NAALADL2: variants seen among roughly 807,000 people sequenced by gnomAD.
The protein encoded by NAALADL2 is N-acetylated alpha-linked acidic dipeptidase like 2.
NAALADL2 carries 76 observed loss-of-function variants against 87.2 expected under a neutral mutation model. The observed-to-expected ratio is 0.87, with a 90% CI of 0.72 to 1.05. The LOEUF (loss-of-function observed/expected upper bound fraction) is 1.05, where lower values mean the gene tolerates loss of function less well. Ranked by LOEUF, NAALADL2 falls within the 50% of genes least tolerant of loss-of-function variation. The pLI is 0.00. For synonymous variants in NAALADL2, 354 were observed against 331.0 expected, an observed-to-expected ratio of 1.07 and a Z score of -0.75; for missense variants, 1,089 against 945.8, an observed-to-expected ratio of 1.15 and a Z score of -1.99.
chr3:175,087,666 G>A (rs572598863), intron 1 of NAALADL2, among the ~76,000 whole-genome samples: 151 of 151,080 alleles, frequency 1.0e-3, no homozygotes, highest in African/African-American at 3.6e-3. Context: ...AATGGATTAA[G>A]GGCGGTGCAA....
intron 5 of NAALADL2, among the ~76,000 whole-genome samples, chr3:175,339,579 C>T (rs887359220): frequency 2.6e-5 from 4 of 152,110 alleles, no homozygotes; most frequent in Admixed American, 6.6e-5. Context: ...ACATACTAGT[C>T]CTGAGCAAAA....
intron 2 of NAALADL2, among the ~76,000 whole-genome samples, chr3:174,604,861 C>G (rs1718836120): frequency 6.6e-6 from 1 of 151,798 alleles, no homozygotes; most frequent in African/African-American, 2.4e-5. Flanking sequence ...CTCCATCTCC[C>G]AGGTTCAAGT....
chr3:174,477,254 A>G (rs929448229), intron 1 of NAALADL2, among the ~76,000 whole-genome samples: 3 of 152,274 alleles, frequency 2.0e-5, no homozygotes, highest in Non-Finnish European at 4.4e-5. Context: ...ATCATTTGCT[A>G]TAGAGCTAGG....
intron 8 of NAALADL2, among the ~76,000 whole-genome samples, chr3:175,467,839 T>A (rs962675080): frequency 2.0e-5 from 3 of 152,122 alleles, no homozygotes; most frequent in Admixed American, 2.0e-4. Flanking sequence ...TCTCAAACTC[T>A]TCTGACAGAC....
chr3:174,514,997 T>A (rs75967914), intron 1 of NAALADL2, among the ~76,000 whole-genome samples: 15,645 of 152,130 alleles, frequency 0.1, 1,474 homozygotes, highest in East Asian at 0.42. Flanking sequence ...TTATAAAGAA[T>A]GTTTACAAAT....
In NAALADL2 at chr3:174,797,878, T is replaced by C. The variant is rs77428950; in HGVS notation, c.-9+60132T>C. The stretch of plus-strand genomic sequence containing the variant: ...ACAAATGTTGTAAATTTTGAAATAG[T>C]CTATTTTTTGGTGACTTGTACTTTT... On this transcript the variant is annotated intron_variant, in intron 3 of 3. Transcript: ENST00000434257. Among the ~76,000 whole-genome samples, 396 of 152,342 alleles carry C rather than the reference T, an allele frequency of 2.6e-3. 1 individual carries two copies. The highest frequency in any genetic ancestry group is 9.1e-3 in the African/African-American group (380 of 41,588).
At chr3:175,223,426 C>G (rs1310146314) in intron 2 of NAALADL2, among the ~76,000 whole-genome samples, 1 of 151,726 alleles carries the variant, frequency 6.6e-6, no homozygotes, top group Non-Finnish European at 1.5e-5. Flanking sequence ...GCATAGTATC[C>G]TCCAGGTTCA....
chr3:175,717,241 A>T (rs572688469), intron 11 of NAALADL2, among the ~76,000 whole-genome samples: 2 of 152,244 alleles, frequency 1.3e-5, no homozygotes, highest in Admixed American at 1.3e-4. Context: ...CAGCCACATT[A>T]TCCTTTTGAG....
intron 9 of NAALADL2, among the ~76,000 whole-genome samples, chr3:175,540,071 G>A (rs549580694): frequency 3.3e-5 from 5 of 152,132 alleles, no homozygotes; most frequent in African/African-American, 7.2e-5. Context: ...GAAAATATAC[G>A]TGTTCCCGTA....
chr3:174,991,402 C>T (rs9873168), intron 1 of NAALADL2, among the ~76,000 whole-genome samples: 51,833 of 151,732 alleles, frequency 0.34, 12,916 homozygotes, highest in African/African-American at 0.7. Context: ...TGATAGAAAT[C>T]TCTGTCATGT....
At chr3:174,481,367 A>C (rs913790302) in intron 1 of NAALADL2, among the ~76,000 whole-genome samples, 1 of 152,236 alleles carries the variant, frequency 6.6e-6, no homozygotes, top group South Asian at 2.1e-4. Flanking sequence ...TCCTAAGCCA[A>C]CTTGGAGGTT....
At chr3:174,552,451 G>T (rs547490255) in intron 2 of NAALADL2, among the ~76,000 whole-genome samples, 11 of 152,164 alleles carry the variant, frequency 7.2e-5, no homozygotes, top group Admixed American at 5.9e-4. Flanking sequence ...TTTTTAGTTA[G>T]ATTGACAAAT....
intron 1 of NAALADL2, among the ~76,000 whole-genome samples, chr3:174,546,348 G>T (rs549923850): frequency 6.6e-5 from 10 of 152,236 alleles, no homozygotes; most frequent in Admixed American, 2.6e-4. Context: ...TCTAGGACAT[G>T]TACCTCTGCT....
intron 5 of NAALADL2, among the ~76,000 whole-genome samples, chr3:175,435,794 A>C (rs1018987852): frequency 1.3e-5 from 2 of 151,854 alleles, no homozygotes; most frequent in Admixed American, 6.6e-5. Flanking sequence ...CCTATGGATA[A>C]GCTAATTGGA....
chr3:175,622,702 G>T (rs958009999), intron 10 of NAALADL2, among the ~76,000 whole-genome samples: 1 of 152,038 alleles, frequency 6.6e-6, no homozygotes, highest in Non-Finnish European at 1.5e-5. Flanking sequence ...TTAAATAGTT[G>T]GGACTATACC....
At chr3:174,852,326 C>T (rs1408472465) in intron 3 of NAALADL2, among the ~76,000 whole-genome samples, 3 of 152,060 alleles carry the variant, frequency 2.0e-5, no homozygotes, top group African/African-American at 7.2e-5. Flanking sequence ...AACCTAAGTA[C>T]TCCACCAAAA....
chr3:175,426,766 A>G lies in NAALADL2; in HGVS notation c.1091-20463A>G, dbSNP rs1716855466. 2.6e-5 allele frequency among the ~76,000 whole-genome samples: 4 copies of G among 152,146 alleles called. No homozygotes were observed. In the South Asian group the frequency reaches 8.3e-4, roughly 32 times the overall value. ...ACAGCATTTTTGTACTCAACTTCAC[A>G]GCTTTATCTCGTTTGCTATTTTAAA... On this transcript the variant is annotated intron_variant, in intron 5 of 13. Transcript: ENST00000454872.
At chr3:175,792,746 G>A (rs1351228693) in intron 13 of NAALADL2, among the ~76,000 whole-genome samples, 1 of 152,214 alleles carries the variant, frequency 6.6e-6, no homozygotes, top group South Asian at 2.1e-4. Context: ...AAGAGGAAGT[G>A]CAGATGTTAG....
chr3:174,763,535 C>T (rs1029652976), intron 3 of NAALADL2, among the ~76,000 whole-genome samples: 9 of 139,206 alleles, frequency 6.5e-5, no homozygotes, highest in African/African-American at 2.5e-4. Flanking sequence ...TGCAGTGAAC[C>T]GAGATTGCGC....
Sources: gnomAD v4.1 joint callset for allele counts (sites outside exome capture counted in the v4.1 genomes callset) on GRCh38, gnomAD v4.1.1 for gene constraint, MANE v1.5 for transcripts, NCBI Gene and HGNC (gene_info 2026-07-23, HGNC 2026-07-21) for gene names.